TMEM108: variants seen among roughly 807,000 people sequenced by gnomAD.
TMEM108 encodes cancer/testis antigen 124.
In TMEM108, 12 loss-of-function variants were observed where a neutral mutation model predicts 35.1. That is an observed-to-expected ratio of 0.34 (90% CI 0.22 to 0.55). TMEM108 has a LOEUF of 0.55. Among genes scored for constraint, TMEM108 ranks in the 20% least tolerant of loss-of-function variants. The probability of loss-of-function intolerance (pLI) is 0.89; values close to 1 mark genes in which losing one functional copy is unlikely to be tolerated. For synonymous variants in TMEM108, 287 were observed against 308.6 expected, an observed-to-expected ratio of 0.93 and a Z score of 0.73; for missense variants, 680 against 753.3, an observed-to-expected ratio of 0.90 and a Z score of 1.14.
At chr3:133,209,400 T>C (rs1393558106) in intron 2 of TMEM108, among the ~76,000 whole-genome samples, 2 of 152,160 alleles carry the variant, frequency 1.3e-5, no homozygotes, top group Non-Finnish European at 2.9e-5. Flanking sequence ...ACAAGTGCAT[T>C]AGACAAATAC....
chr3:133,377,149 C>CTCTT (rs1368859962), intron 3 of TMEM108, among the ~76,000 whole-genome samples: 1 of 152,168 alleles, frequency 6.6e-6, no homozygotes, highest in East Asian at 1.9e-4. Context: ...CTTTAATTAC[C>CTCTT]TCTTTGAAAG....
intron 4 of TMEM108, 39 bp downstream of exon 4, chr3:133,381,200 C>T (rs928900738): frequency 4.5e-6 from 7 of 1,538,644 alleles, no homozygotes; most frequent in Non-Finnish European, 6.2e-6. Flanking sequence ...CTCCCTCTAC[C>T]ACATCACTGG....
chr3:133,172,551 T>A (rs6774707), intron 2 of TMEM108, among the ~76,000 whole-genome samples: 144,795 of 152,286 alleles, frequency 0.95, 69,245 homozygotes, highest in East Asian at 1. Flanking sequence ...GCATGGTGCT[T>A]TTGGGCAGGG....
intron 2 of TMEM108, among the ~76,000 whole-genome samples, chr3:133,186,811 AGACATCTGAGAG>A (rs1324616598): frequency 9.2e-5 from 14 of 152,220 alleles, no homozygotes; most frequent in Admixed American, 2.0e-4. Flanking sequence ...TATTGCTTCC[AGACATCTGAGAG>A]TTTAACATGC....
At chr3:133,221,248 G>C (rs895410034) in intron 2 of TMEM108, among the ~76,000 whole-genome samples, 13 of 152,056 alleles carry the variant, frequency 8.5e-5, no homozygotes, top group Non-Finnish European at 1.2e-4. Context: ...TGATTTTTCT[G>C]GTGACCAGCC....
At chr3:133,381,384 G>A (rs1032153248) in intron 4 of TMEM108, among the ~76,000 whole-genome samples, 1 of 152,216 alleles carries the variant, frequency 6.6e-6, no homozygotes, top group Non-Finnish European at 1.5e-5. Context: ...ACTCCCAGGA[G>A]CTGGGGGAGG....
chr3:133,380,060 C>A lies in TMEM108; in HGVS notation c.349C>A (p.Pro117Thr). 6.2e-7 allele frequency: 1 copy of A among 1,613,982 alleles called. No homozygotes were observed. Among genetic ancestry groups the A allele is most frequent in the Non-Finnish European group, 8.5e-7 (1 of 1,179,990 alleles). Residue 117 changes from proline to threonine, a missense_variant, in exon 4 of 6, where the codon CCC becomes ACC. Physicochemically the swap from Pro to Thr is conservative, Grantham distance 38. Coordinates refer to ENST00000321871, the MANE Select transcript of TMEM108 (RefSeq NM_023943.4). The surrounding 1 kb of genome is among the most constrained non-coding windows in gnomAD (Gnocchi z 5.3). Reference protein sequence around the residue: ...PHSESSLSTGPAPAAMATTSS... With the variant: ...PHSESSLSTGTAPAAMATTSS... ...TTCTGAAAGCTCCCTGTCCACAGGG[C>A]CCGCTCCAGCAGCCATGGCAACCAC...
intron 2 of TMEM108, among the ~76,000 whole-genome samples, chr3:133,174,707 T>C (rs1018369642): frequency 3.9e-5 from 6 of 151,982 alleles, no homozygotes; most frequent in African/African-American, 1.2e-4. Context: ...CAAAGGTAGA[T>C]AAAACCACAA....
At position 133,353,653 on chromosome 3, in the gene TMEM108, G is replaced by A. The variant is rs975195799; in HGVS notation, c.41-26099G>A. Among the ~76,000 whole-genome samples, 14 of 152,166 alleles carry A rather than the reference G, an allele frequency of 9.2e-5. 1 individual carries two copies. The highest frequency in any genetic ancestry group is 8.5e-4 in the Admixed American group (13 of 15,278). On this transcript the variant is annotated intron_variant, in intron 3 of 5. Transcript: ENST00000321871. ...ATATCACCTGTATGCTTGTAGACTG[G>A]CAAAGAAAGTCCTGGATTTGAGATT...
chr3:133,291,959 T>C (rs1048728941), intron 3 of TMEM108, among the ~76,000 whole-genome samples: 2 of 152,228 alleles, frequency 1.3e-5, no homozygotes, highest in Admixed American at 6.5e-5. Flanking sequence ...GAGCAGGATC[T>C]GCAGTGGTTC....
At chr3:133,138,169 T>C (rs542094063) in intron 2 of TMEM108, among the ~76,000 whole-genome samples, 1 of 152,080 alleles carries the variant, frequency 6.6e-6, no homozygotes, top group Non-Finnish European at 1.5e-5. Context: ...GAAAATAAAA[T>C]GAAGATCTAG....
chr3:133,353,819 G>T (rs757961802), intron 3 of TMEM108, among the ~76,000 whole-genome samples: 1 of 152,138 alleles, frequency 6.6e-6, no homozygotes. Context: ...TTCAGAAAAC[G>T]AACAGTGTGT....
chr3:133,233,218 T>A (rs1318492486), intron 3 of TMEM108, among the ~76,000 whole-genome samples: 1 of 151,710 alleles, frequency 6.6e-6, no homozygotes, highest in African/African-American at 2.4e-5. Flanking sequence ...GTCCCCAGAG[T>A]GTGATGTTCC....
intron 2 of TMEM108, among the ~76,000 whole-genome samples, chr3:133,168,755 C>T (rs1326617991): frequency 2.0e-5 from 3 of 152,210 alleles, no homozygotes; most frequent in Admixed American, 6.5e-5. Context: ...TGTTCTTTCG[C>T]TCTTTGCAAT....
Position 133,201,906 on chromosome 3 carries a change from A to G in TMEM108, c.-46-27360A>G, listed in dbSNP as rs926759297. ...CTTCCAAATGGTTGAATTAATTGAC[A>G]CTCCCACCAATGGTTTAAAAGCGTT... On this transcript the variant is annotated intron_variant, in intron 2 of 5. Transcript: ENST00000321871. Among the ~76,000 whole-genome samples, 8 of 151,952 alleles carry G rather than the reference A, an allele frequency of 5.3e-5. No individual in the cohort carries two copies. In the East Asian group the frequency reaches 1.4e-3, roughly 26 times the overall value.
intron 3 of TMEM108, among the ~76,000 whole-genome samples, chr3:133,252,926 TG>T (rs1946492128): frequency 6.6e-6 from 1 of 152,182 alleles, no homozygotes; most frequent in South Asian, 2.1e-4. Flanking sequence ...ATAAAAGACT[TG>T]AGCATTCATA....
chr3:133,365,761 AT>A (rs977861733), intron 3 of TMEM108, among the ~76,000 whole-genome samples: 28 of 152,208 alleles, frequency 1.8e-4, no homozygotes, highest in Admixed American at 1.5e-3. Context: ...TTTGAACTAT[AT>A]CCCCGGCTGG....
At chr3:133,302,294 C>G (rs576116241) in intron 3 of TMEM108, among the ~76,000 whole-genome samples, 1 of 152,280 alleles carries the variant, frequency 6.6e-6, no homozygotes, top group African/African-American at 2.4e-5. Context: ...TGCACACACA[C>G]ACACTGCTTA....
intron 2 of TMEM108, among the ~76,000 whole-genome samples, chr3:133,159,251 T>C (rs1944926024): frequency 6.6e-6 from 1 of 152,214 alleles, no homozygotes; most frequent in African/African-American, 2.4e-5. Flanking sequence ...ATATACTTCA[T>C]GGTTTTCCAA....
Sources: allele counts gnomAD v4.1 joint callset (sites outside exome capture counted in the v4.1 genomes callset), GRCh38; gene constraint gnomAD v4.1.1; non-coding constraint Gnocchi (gnomAD v3.1); transcripts MANE v1.5; gene names NCBI Gene and HGNC (gene_info 2026-07-23, HGNC 2026-07-21).